Variants in SPDYA observed in about 807,000 individuals in gnomAD.
The protein encoded by SPDYA is speedy protein A.
Under a neutral mutation model 36.7 loss-of-function variants are expected in SPDYA, and 11 were observed. The ratio of observed to expected loss-of-function variants is 0.30; its 90% CI spans 0.19 to 0.50. SPDYA has a LOEUF of 0.50. Ranked by LOEUF, SPDYA falls within the 20% of genes least tolerant of loss-of-function variation. The pLI is 0.98. For synonymous variants in SPDYA, 115 were observed against 118.7 expected (o/e 0.97, Z 0.20); for missense variants, 287 against 370.9 (o/e 0.77, Z 1.86).
In SPDYA at chr2:28,850,103, G is replaced by C; in HGVS notation, c.*162G>C. The C allele has an allele frequency of 7.9e-7, 1 of 1,262,548 alleles. No homozygotes were observed. The highest frequency in any genetic ancestry group is 1.1e-6 in the Non-Finnish European group (1 of 885,974). 78.2% of individuals were successfully genotyped at this position (1,262,548 alleles called of 1,614,324 possible). ...ATAAGTTATATAAGTCATAGTAATA[G>C]CTAAAAATGCCAATCTATGGAAGCA... On this transcript the variant is annotated 3_prime_UTR_variant, in exon 8 of 8. Transcript: ENST00000334056.
intron 7 of SPDYA, among the ~76,000 whole-genome samples, chr2:28,846,509 T>C (rs1572519624): frequency 6.6e-6 from 1 of 152,134 alleles, no homozygotes; most frequent in East Asian, 1.9e-4. Context: ...CTGGAAGGCA[T>C]TGGGATGACA....
chr2:28,847,985 T>G (rs1331609479), intron 7 of SPDYA, among the ~76,000 whole-genome samples: 2 of 152,182 alleles, frequency 1.3e-5, no homozygotes, highest in Non-Finnish European at 2.9e-5. Flanking sequence ...CCATATAACC[T>G]AGGTGTGTAG....
chr2:28,819,739 T>C (rs1429132954), intron 4 of SPDYA, among the ~76,000 whole-genome samples: 1 of 142,698 alleles, frequency 7.0e-6, no homozygotes, highest in Non-Finnish European at 1.5e-5. Flanking sequence ...ATCCCAACAC[T>C]GTGGAAGGCC....
At chr2:28,828,968 T>C (rs556271717) in intron 5 of SPDYA, among the ~76,000 whole-genome samples, 180 bp from the exon 6 acceptor site, 44 of 152,348 alleles carry the variant, frequency 2.9e-4, no homozygotes, top group African/African-American at 1.1e-3. Context: ...GAATAAGAAA[T>C]ACCTAGAACC....
intron 6 of SPDYA, among the ~76,000 whole-genome samples, chr2:28,834,573 C>T (rs1054830455): frequency 6.6e-6 from 1 of 152,162 alleles, no homozygotes; most frequent in Non-Finnish European, 1.5e-5. Context: ...CAAGCTACAA[C>T]GCAGATAACC....
At chr2:28,824,963 C>G (rs963870429) in intron 5 of SPDYA, among the ~76,000 whole-genome samples, 2 of 152,178 alleles carry the variant, frequency 1.3e-5, no homozygotes, top group African/African-American at 4.8e-5. Flanking sequence ...ATACTGAGTA[C>G]TATGTGCAAG....
intron 7 of SPDYA, 177 bp from the exon 8 acceptor site, chr2:28,849,673 C>A: frequency 2.0e-6 from 1 of 502,792 alleles, no homozygotes; most frequent in Non-Finnish European, 3.5e-6. Flanking sequence ...ATTCAAGAGC[C>A]TGTTACATCT....
At chr2:28,842,351 T>A (rs1300399183) in intron 7 of SPDYA, 2 of 152,212 alleles carry the variant, frequency 1.3e-5, no homozygotes, top group Non-Finnish European at 2.9e-5. Flanking sequence ...CAGAAGCAGT[T>A]ATACATATTT....
At chr2:28,840,930 GTTT>G (rs70956054) in intron 7 of SPDYA, 110 of 114,608 alleles carry the variant, frequency 9.6e-4, no homozygotes, top group Non-Finnish European at 1.6e-3. Flanking sequence ...TCCAAAACCA[GTTT>G]TTTTTTTTTT....
At chr2:28,840,846 T>C in intron 7 of SPDYA, 2 of 882,846 alleles carry the variant, frequency 2.3e-6, no homozygotes, top group Non-Finnish European at 2.7e-6. Flanking sequence ...CTAACAAAAT[T>C]AGAACCATAC....
chr2:28,814,432 A>G (rs1237639469), intron 1 of SPDYA, among the ~76,000 whole-genome samples, 181 bp from the exon 2 acceptor site: 1 of 152,220 alleles, frequency 6.6e-6, no homozygotes, highest in African/African-American at 2.4e-5. Flanking sequence ...ACTGATTTTT[A>G]TATTGATTAC....
intron 7 of SPDYA, among the ~76,000 whole-genome samples, chr2:28,848,835 G>A (rs906251105): frequency 6.6e-6 from 1 of 151,936 alleles, no homozygotes; most frequent in Non-Finnish European, 1.5e-5. Flanking sequence ...CTTGAGCTTC[G>A]GAGTTTGAGA....
rs1282279692 is a variant in SPDYA at position 28,813,196 on chromosome 2, G to C, written c.-92-1417G>C. Among the ~76,000 whole-genome samples the C allele has an allele frequency of 2.6e-5, 4 of 152,104 alleles. No homozygotes were observed. The East Asian group carries it at 5.8e-4, about 22-fold the overall frequency. ...ATTTCAGACATTTTCTTCTCATTCAGTTTTCTGAAATTGTATGGGAAATAT... is the reference window on the plus strand; with the variant it reads ...ATTTCAGACATTTTCTTCTCATTCACTTTTCTGAAATTGTATGGGAAATAT... On this transcript the variant is annotated intron_variant, in intron 1 of 7. Coordinates refer to ENST00000334056, the MANE Select transcript of SPDYA (RefSeq NM_182756.4).
rs375480887 is a variant in SPDYA, at chr2:28,849,814, C to T, written c.851-36C>T. On this transcript the variant is annotated intron_variant, in intron 7 of 7. Coordinates refer to ENST00000334056, the MANE Select transcript of SPDYA (RefSeq NM_182756.4). ...AAGATGTATTTAAAATGGACAGATA[C>T]ATAAAATTTATCTTAAAATGCATAT... is the stretch of plus-strand genomic sequence containing the variant. 8 of 1,226,532 alleles carry T rather than the reference C, an allele frequency of 6.5e-6. No individual in the cohort carries two copies. The African/African-American group carries it at 7.7e-5, about 12-fold the overall frequency. The allele number at this position is 1,226,532 out of a possible 1,614,324, so 76.0% of individuals were successfully genotyped here. A position where few individuals can be genotyped will look rare whatever the true frequency, so the allele number is the denominator to read the frequency against.
At chr2:28,826,562 G>A (rs909718724) in intron 5 of SPDYA, among the ~76,000 whole-genome samples, 5 of 149,782 alleles carry the variant, frequency 3.3e-5, no homozygotes, top group African/African-American at 1.2e-4. Context: ...TGCCTCGCTC[G>A]GTCTTCCCCA....
chr2:28,838,181 T>G (rs1206105530), intron 6 of SPDYA, among the ~76,000 whole-genome samples: 1 of 5,716 alleles, frequency 1.7e-4, no homozygotes, highest in African/African-American at 2.3e-4. Flanking sequence ...GTAACGGATT[T>G]TTTTTTTTTT....
At chr2:28,825,615 CCACATTACCTTT>C (rs1489622981) in intron 5 of SPDYA, among the ~76,000 whole-genome samples, 1 of 152,186 alleles carries the variant, frequency 6.6e-6, no homozygotes, top group Non-Finnish European at 1.5e-5. Flanking sequence ...TATCATTCTT[CCACATTACCTTT>C]CACAATTATT....
In SPDYA at chr2:28,850,313, G is replaced by C. The variant is rs1293176590; in HGVS notation, c.*372G>C. 1 of 1,605,458 alleles carries C rather than the reference G, an allele frequency of 6.2e-7. No individual in the cohort carries two copies. The highest frequency in any genetic ancestry group is 1.3e-5 in the African/African-American group (1 of 74,592). Reference sequence around the variant, plus strand: ...GAAAAAACACCATTTAATATGTTCTGAAAACATTACTCACCTGTATGACCA... The same window carrying C: ...GAAAAAACACCATTTAATATGTTCTCAAAACATTACTCACCTGTATGACCA... On this transcript the variant is annotated 3_prime_UTR_variant, in exon 8 of 8. Transcript: ENST00000334056.
intron 6 of SPDYA, among the ~76,000 whole-genome samples, chr2:28,835,261 T>G (rs1165926582): frequency 2.0e-5 from 3 of 151,170 alleles, no homozygotes; most frequent in African/African-American, 7.3e-5. Flanking sequence ...AGTTTCATTC[T>G]GTCACCCAGG....
Sources: allele counts gnomAD v4.1 joint callset (sites outside exome capture counted in the v4.1 genomes callset), GRCh38; gene constraint gnomAD v4.1.1; transcripts MANE v1.5; gene names NCBI Gene and HGNC (gene_info 2026-07-23, HGNC 2026-07-21).